Variants in ZBTB8A observed in about 807,000 individuals in gnomAD.
ZBTB8A encodes the protein zinc finger and BTB domain containing 8A.
ZBTB8A carries 19 observed loss-of-function variants against 37.8 expected under a neutral mutation model. The observed-to-expected ratio is 0.50, with a 90% CI of 0.35 to 0.74. ZBTB8A has a LOEUF of 0.74. Among genes scored for constraint, ZBTB8A ranks in the 30% least tolerant of loss-of-function variants. The probability of loss-of-function intolerance (pLI) is 0.01; values close to 1 mark genes in which losing one functional copy is unlikely to be tolerated. For synonymous variants in ZBTB8A, 181 were observed against 185.2 expected (o/e 0.98, Z 0.19); for missense variants, 394 against 537.8 (o/e 0.73, Z 2.65).
chr1:32,551,586 A>T (rs1354103714), intron 1 of ZBTB8A, among the ~76,000 whole-genome samples: 1 of 151,944 alleles, frequency 6.6e-6, no homozygotes, highest in East Asian at 1.9e-4. Flanking sequence ...GGTGGTGCAT[A>T]CCTGTAATCC....
intron 1 of ZBTB8A, among the ~76,000 whole-genome samples, chr1:32,546,976 A>G (rs1570308658): frequency 6.6e-6 from 1 of 151,682 alleles, no homozygotes; most frequent in African/African-American, 2.4e-5. Flanking sequence ...ATCACAGCTC[A>G]CTGCAGCCTC....
At chr1:32,576,629 A>G (rs964564787) in intron 2 of ZBTB8A, among the ~76,000 whole-genome samples, 7 of 152,050 alleles carry the variant, frequency 4.6e-5, no homozygotes, top group East Asian at 1.9e-4. Flanking sequence ...GGGTCTCACT[A>G]TGTTGGCCAG....
chr1:32,556,931 G>A (rs903762637), intron 2 of ZBTB8A, among the ~76,000 whole-genome samples: 2 of 151,930 alleles, frequency 1.3e-5, no homozygotes, highest in South Asian at 2.1e-4. Context: ...ATAATACAAG[G>A]GAACTTAACT....
At chr1:32,547,828 CAAAA>C (rs1194254576) in intron 1 of ZBTB8A, among the ~76,000 whole-genome samples, 3 of 30,478 alleles carry the variant, frequency 9.8e-5, no homozygotes, top group Admixed American at 8.4e-4. Flanking sequence ...ACAAACAAAG[CAAAA>C]AAAAAAAAAA....
At chr1:32,576,879 T>TC (rs1644364654) in intron 2 of ZBTB8A, among the ~76,000 whole-genome samples, 1 of 149,074 alleles carries the variant, frequency 6.7e-6, no homozygotes, top group Non-Finnish European at 1.5e-5. Context: ...TTTTTTTTTT[T>TC]CTTTTTTTTT....
At chr1:32,582,893 G>C (rs1644418429) in intron 2 of ZBTB8A, among the ~76,000 whole-genome samples, 1 of 151,988 alleles carries the variant, frequency 6.6e-6, no homozygotes, top group Non-Finnish European at 1.5e-5. Context: ...AGTCTTTTTT[G>C]TTTAATAATT....
intron 2 of ZBTB8A, among the ~76,000 whole-genome samples, chr1:32,585,406 A>T (rs937854790): frequency 3.3e-5 from 5 of 152,090 alleles, no homozygotes; most frequent in African/African-American, 1.2e-4. Context: ...TATGAATAGT[A>T]TGCCTATAAA....
chr1:32,598,223 ATTTTTTTTTT>A (rs762801492), intron 4 of ZBTB8A, among the ~76,000 whole-genome samples: 5 of 86,022 alleles, frequency 5.8e-5, no homozygotes, highest in African/African-American at 9.8e-5. Flanking sequence ...GCTTTCTTGG[ATTTTTTTTTT>A]TTTTTTTTTT....
At chr1:32,579,017 A>G (rs1338500011) in intron 2 of ZBTB8A, among the ~76,000 whole-genome samples, 1 of 152,062 alleles carries the variant, frequency 6.6e-6, no homozygotes, top group Admixed American at 6.6e-5. Context: ...GCTTGTTTTT[A>G]AGCTTTGGGG....
chr1:32,553,266 G>C (rs1644171775), intron 1 of ZBTB8A, among the ~76,000 whole-genome samples, 193 bp from the exon 2 acceptor site: 1 of 152,016 alleles, frequency 6.6e-6, no homozygotes, highest in Admixed American at 6.6e-5. Flanking sequence ...CACCATATTG[G>C]CCAGGCTGGT....
At chr1:32,579,931 A>G (rs575038677) in intron 2 of ZBTB8A, among the ~76,000 whole-genome samples, 1 of 152,332 alleles carries the variant, frequency 6.6e-6, no homozygotes, top group African/African-American at 2.4e-5. Flanking sequence ...TGCAGTAATA[A>G]TAACTTATTA....
rs1219224339 is a variant in ZBTB8A at position 32,589,253 on chromosome 1, GTGTT to G, written c.-1-3668_-1-3665del. Among the ~76,000 whole-genome samples, 8 of 151,970 alleles carry G rather than the reference GTGTT, an allele frequency of 5.3e-5. No homozygotes were observed. In the East Asian group the frequency reaches 9.7e-4, roughly 18 times the overall value. On this transcript the variant is annotated intron_variant, in intron 2 of 4. Transcript: ENST00000373510. ...GAAGGGGAAGTTTTTGTTGGCACAT[GTGTT>G]TGTTTGTTTTTGAGTTGGAGTCTTG... is the stretch of plus-strand genomic sequence containing the variant.
At chr1:32,568,000 A>C (rs1458727460) in intron 2 of ZBTB8A, among the ~76,000 whole-genome samples, 1 of 150,434 alleles carries the variant, frequency 6.6e-6, no homozygotes, top group Non-Finnish European at 1.5e-5. Context: ...AAATTAGCCA[A>C]GTGTGGTGGC....
Position 32,600,252 on chromosome 1 carries a change from C to G in ZBTB8A, c.1159C>G (p.Leu387Val), listed in dbSNP as rs1293001860. 6.2e-7 allele frequency: 1 copy of G among 1,614,036 alleles called. No individual in the cohort carries two copies. Among genetic ancestry groups the G allele is most frequent in the Non-Finnish European group, 8.5e-7 (1 of 1,180,022 alleles). Reference protein sequence around the residue: ...LPIDLEAEQHLMSPSDGDKDS... With the variant: ...LPIDLEAEQHVMSPSDGDKDS... ...CATTGACTTGGAAGCTGAACAACATCTTATGTCCCCATCAGATGGAGATAA... is the reference window on the plus strand; with the variant it reads ...CATTGACTTGGAAGCTGAACAACATGTTATGTCCCCATCAGATGGAGATAA... The change falls in exon 5 of 5, where the codon CTT (leucine) becomes GTT (valine). Residue 387 changes from leucine to valine, a missense_variant. By Grantham distance (32) the Leu-to-Val change is conservative. Coordinates refer to ENST00000373510, the MANE Select transcript of ZBTB8A (RefSeq NM_001040441.3).
intron 2 of ZBTB8A, among the ~76,000 whole-genome samples, chr1:32,555,955 C>G (rs1396713258): frequency 6.6e-6 from 1 of 151,948 alleles, no homozygotes; most frequent in African/African-American, 2.4e-5. Flanking sequence ...TGTGCCCAGG[C>G]TGGAGTGCAG....
chr1:32,572,011 C>G (rs1167438705), intron 2 of ZBTB8A, among the ~76,000 whole-genome samples: 2 of 152,052 alleles, frequency 1.3e-5, no homozygotes, highest in Non-Finnish European at 2.9e-5. Context: ...TCAAGTGATT[C>G]TCCTGTCTCA....
intron 2 of ZBTB8A, among the ~76,000 whole-genome samples, chr1:32,566,315 A>G (rs1478736033): frequency 6.6e-6 from 1 of 152,094 alleles, no homozygotes; most frequent in Admixed American, 6.6e-5. Context: ...GAGGTTTGAG[A>G]CCAGCATAGG....
chr1:32,552,461 C>T (rs988286715), intron 1 of ZBTB8A, among the ~76,000 whole-genome samples: 4 of 151,980 alleles, frequency 2.6e-5, no homozygotes, highest in East Asian at 3.9e-4. Context: ...GTCAGGATTT[C>T]GAGACCAGTC....
Position 32,548,695 on chromosome 1 carries a change from C to T in ZBTB8A, c.-83-4764C>T, listed in dbSNP as rs117823006. On this transcript the variant is annotated intron_variant, in intron 1 of 4. Coordinates refer to ENST00000373510, the MANE Select transcript of ZBTB8A (RefSeq NM_001040441.3). Reference sequence around the variant, plus strand: ...AACTCTAAAATGTTTACATTTTGTACTCATTGAAAGCAGTGTTTTTAAATG... The same window carrying T: ...AACTCTAAAATGTTTACATTTTGTATTCATTGAAAGCAGTGTTTTTAAATG... 4.3e-4 allele frequency among the ~76,000 whole-genome samples: 66 copies of T among 152,236 alleles called. 1 individual carries two copies. In the East Asian group the frequency reaches 8.5e-3, roughly 20 times the overall value.
Sources: gnomAD v4.1 joint callset for allele counts (sites outside exome capture counted in the v4.1 genomes callset) on GRCh38, gnomAD v4.1.1 for gene constraint, MANE v1.5 for transcripts, NCBI Gene and HGNC (gene_info 2026-07-23, HGNC 2026-07-21) for gene names.